PSMD5: variants seen among roughly 807,000 people sequenced by gnomAD.
PSMD5 encodes proteasome 26S subunit, non-ATPase 5, also known as 26S proteasome non-ATPase regulatory subunit 5.
A neutral mutation model predicts 52.1 loss-of-function variants in PSMD5; 40 were observed. That is an observed-to-expected ratio of 0.77 (90% CI 0.60 to 1.00). PSMD5 has a LOEUF of 1.00. Ranked by LOEUF, PSMD5 falls within the 50% of genes least tolerant of loss-of-function variation. PSMD5 has a pLI of 0.00. For synonymous variants in PSMD5, 211 were observed against 226.6 expected, an observed-to-expected ratio of 0.93 and a Z score of 0.62; for missense variants, 575 against 605.2, an observed-to-expected ratio of 0.95 and a Z score of 0.52.
Position 120,816,879 on chromosome 9 carries a change from A to C in PSMD5, c.*1027T>G, listed in dbSNP as rs1281569841. 1 of 152,220 alleles carries C rather than the reference A, an allele frequency of 6.6e-6. No individual in the cohort carries two copies. Among genetic ancestry groups the C allele is most frequent in the African/African-American group, 2.4e-5 (1 of 41,448 alleles). 9.4% of individuals were successfully genotyped at this position (152,220 alleles called of 1,614,324 possible). A position where few individuals can be genotyped will look rare whatever the true frequency, so the allele number is the denominator to read the frequency against. On this transcript the variant is annotated 3_prime_UTR_variant, in exon 10 of 10. Coordinates refer to ENST00000210313, the MANE Select transcript of PSMD5 (RefSeq NM_005047.4). ...AGTTTCCCTTTCTCTGATCAACTCA[A>C]GATTGACTTTATAGGTATGAAAAAT...
intron 7 of PSMD5, among the ~76,000 whole-genome samples, chr9:120,821,701 C>G (rs113979197): frequency 2.7e-4 from 41 of 152,320 alleles, no homozygotes; most frequent in African/African-American, 9.4e-4. Flanking sequence ...AACCACTATT[C>G]TACCTCCTGT....
Position 120,820,990 on chromosome 9 carries a change from G to T in PSMD5, c.1117-11C>A. On this transcript the variant is annotated splice_polypyrimidine_tract_variant and intron_variant, in intron 8 of 9. Coordinates refer to ENST00000210313, the MANE Select transcript of PSMD5 (RefSeq NM_005047.4). ...AGTCTGCTGCTCAGGCTACAGGAAA[G>T]AAAAGGAAAATCTCATCAAAAGTTA... 1 of 1,570,868 alleles carries T rather than the reference G, an allele frequency of 6.4e-7. No homozygotes were observed. The highest frequency in any genetic ancestry group is 1.4e-5 in the African/African-American group (1 of 72,616).
rs1328336306 is a variant in PSMD5 at position 120,842,760 on chromosome 9, G to C, written c.150C>G (p.Phe50Leu). 6.2e-7 allele frequency: 1 copy of C among 1,613,320 alleles called. No individual in the cohort carries two copies. The highest frequency in any genetic ancestry group is 1.1e-5 in the South Asian group (1 of 91,074). Residue 50 changes from phenylalanine (F) to leucine (L), a missense_variant, in exon 1 of 10, where the codon TTC becomes TTG. Coordinates refer to ENST00000210313, the MANE Select transcript of PSMD5 (RefSeq NM_005047.4). Reference sequence around the variant, plus strand: ...ACCTATGGTTCTCGTTAAGCAGGGAGAAGAGCGGGCCGAGGCGCAGCTCCG... The same window carrying C: ...ACCTATGGTTCTCGTTAAGCAGGGACAAGAGCGGGCCGAGGCGCAGCTCCG... Reference protein sequence around the residue: ...QAAELRLGPLFSLLNENHREK... With the variant: ...QAAELRLGPLLSLLNENHREK...
At chr9:120,820,782 G>C in intron 9 of PSMD5, 57 bp downstream of exon 9, 2 of 1,492,222 alleles carry the variant, frequency 1.3e-6, no homozygotes, top group Non-Finnish European at 1.8e-6. Context: ...TCACTGTTAA[G>C]TACTCAAGTG....
intron 7 of PSMD5, 142 bp downstream of exon 7, chr9:120,824,352 C>T: frequency 1.4e-6 from 1 of 700,730 alleles, no homozygotes; most frequent in Non-Finnish European, 2.5e-6. Flanking sequence ...GATTTTCAGA[C>T]ATGAGTACAA....
At chr9:120,824,423 G>T (rs778232658) in intron 7 of PSMD5, 71 bp downstream of exon 7, 7 of 1,477,256 alleles carry the variant, frequency 4.7e-6, no homozygotes, top group Non-Finnish European at 6.6e-6. Flanking sequence ...TAACCCACCA[G>T]CAAATGAACT....
At chr9:120,825,259 G>A (rs1429019861) in intron 6 of PSMD5, among the ~76,000 whole-genome samples, 1 of 152,032 alleles carries the variant, frequency 6.6e-6, no homozygotes, top group Non-Finnish European at 1.5e-5. Flanking sequence ...GTTCTAAATA[G>A]CACTGATGTT....
chr9:120,833,257 G>T, intron 2 of PSMD5, 55 bp downstream of exon 2: 1 of 1,563,970 alleles, frequency 6.4e-7, no homozygotes, highest in Non-Finnish European at 8.8e-7. Flanking sequence ...CTGTCCCAGT[G>T]CAGAACCTGG....
chr9:120,831,840 C>G lies in PSMD5; in HGVS notation c.424G>C (p.Ala142Pro), dbSNP rs371723846. The stretch of plus-strand genomic sequence containing the variant: ...GATTCTAGTAGACTCACCGCTTTTG[C>G]TACAGATAGATTCTCTCCACCAATG... ...YCIGGENLSV[A>P]KAAIKSLSRI... is the part of the protein sequence containing the mutation. The change falls in exon 3 of 10, where the codon GCA becomes CCA. Residue 142 changes from alanine (A) to proline (P), a missense_variant. By Grantham distance (27) the Ala-to-Pro change is conservative (BLOSUM62 -1). Coordinates refer to ENST00000210313, the MANE Select transcript of PSMD5 (RefSeq NM_005047.4). 1.2e-6 allele frequency: 2 copies of G among 1,612,240 alleles called. No individual in the cohort carries two copies. Among genetic ancestry groups the G allele is most frequent in the Non-Finnish European group, 1.7e-6 (2 of 1,179,528 alleles).
chr9:120,826,886 C>A lies in PSMD5; in HGVS notation c.693G>T (p.Val231=), dbSNP rs1194367596. The A allele has an allele frequency of 1.2e-6, 2 of 1,612,930 alleles. No homozygotes were observed. The highest frequency in any genetic ancestry group is 2.2e-5 in the South Asian group (2 of 90,908). ...VLVRATCIEM[V]TSLAYTHHGR... ...CATGATGAGTATATGCCAGTGATGT[C>A]ACCATTTCTATACAGGTGGCTCTAA... The change falls in exon 6 of 10, where the codon GTG becomes GTT. Residue 231 remains valine, a synonymous_variant. Coordinates refer to ENST00000210313, the MANE Select transcript of PSMD5 (RefSeq NM_005047.4).
At chr9:120,820,104 A>G (rs1291931352) in intron 9 of PSMD5, among the ~76,000 whole-genome samples, 2 of 152,234 alleles carry the variant, frequency 1.3e-5, no homozygotes, top group Non-Finnish European at 2.9e-5. Flanking sequence ...AAGTCGATAA[A>G]TAAACATTTG....
intron 1 of PSMD5, among the ~76,000 whole-genome samples, chr9:120,834,369 C>T (rs1208556056): frequency 6.6e-6 from 1 of 151,772 alleles, no homozygotes; most frequent in Non-Finnish European, 1.5e-5. Context: ...ACGCTATGGG[C>T]TAAGACTAGA....
In PSMD5 at chr9:120,816,133, G is replaced by A. The variant is rs2045040254; in HGVS notation, c.*1773C>T. ...ATCAGAATGTGTAGACCATACATAG[G>A]AGAGAGGGCATCCCCCCAAAATCTG... On this transcript the variant is annotated 3_prime_UTR_variant, in exon 10 of 10. Coordinates refer to ENST00000210313, the MANE Select transcript of PSMD5 (RefSeq NM_005047.4). 6.5e-6 allele frequency: 1 copy of A among 152,944 alleles called. No individual in the cohort carries two copies. The highest frequency in any genetic ancestry group is 2.4e-5 in the African/African-American group (1 of 41,456). 9.5% of individuals were successfully genotyped at this position (152,944 alleles called of 1,614,324 possible). A position where few individuals can be genotyped will look rare whatever the true frequency, so the allele number is the denominator to read the frequency against.
At chr9:120,833,650 A>G (rs896994361) in intron 1 of PSMD5, among the ~76,000 whole-genome samples, 194 bp from the exon 2 acceptor site, 4 of 151,774 alleles carry the variant, frequency 2.6e-5, no homozygotes, top group Admixed American at 6.6e-5. Flanking sequence ...ACAGAGAAGA[A>G]TAAGATATGC....
intron 1 of PSMD5, 129 bp downstream of exon 1, chr9:120,842,608 C>T (rs1205011864): frequency 1.7e-6 from 2 of 1,143,364 alleles, no homozygotes; most frequent in Non-Finnish European, 1.2e-6. Context: ...ATCCTTCCTT[C>T]TCTGCAAATT....
At chr9:120,833,550 CCA>C (rs1323805572) in intron 1 of PSMD5, 94 bp from the exon 2 acceptor site, 3 of 1,298,190 alleles carry the variant, frequency 2.3e-6, no homozygotes, top group African/African-American at 3.0e-5. Context: ...AGCGTCTCCT[CCA>C]CACAGACTTC....
chr9:120,818,718 T>C (rs936258696), intron 9 of PSMD5, among the ~76,000 whole-genome samples: 1 of 150,070 alleles, frequency 6.7e-6, no homozygotes, highest in Non-Finnish European at 1.5e-5. Flanking sequence ...CTGCCTCTTT[T>C]AACATAGACA....
rs1468307271 is a variant in PSMD5 at position 120,816,388 on chromosome 9, C to T, written c.*1518G>A. On this transcript the variant is annotated 3_prime_UTR_variant, in exon 10 of 10. Coordinates refer to ENST00000210313, the MANE Select transcript of PSMD5 (RefSeq NM_005047.4). ...AAATTTTATTGTATATATTGCACCACATTGAAAAAAAATCAACATCATGAA... is the reference window on the plus strand; with the variant it reads ...AAATTTTATTGTATATATTGCACCATATTGAAAAAAAATCAACATCATGAA... The T allele has an allele frequency of 6.6e-6, 1 of 151,802 alleles. No homozygotes were observed. Among genetic ancestry groups the T allele is most frequent in the Non-Finnish European group, 1.5e-5 (1 of 67,950 alleles). The allele number at this position is 151,802 out of a possible 1,614,324, so 9.4% of individuals were successfully genotyped here. A position where few individuals can be genotyped will look rare whatever the true frequency, so the allele number is the denominator to read the frequency against.
chr9:120,820,748 C>A (rs2045077694), intron 9 of PSMD5, 91 bp downstream of exon 9: 3 of 1,320,332 alleles, frequency 2.3e-6, no homozygotes, highest in South Asian at 1.9e-5. Context: ...CTTGTGCATC[C>A]CCAGAGATGG....
Sources: allele counts gnomAD v4.1 joint callset (sites outside exome capture counted in the v4.1 genomes callset), GRCh38; gene constraint gnomAD v4.1.1; transcripts MANE v1.5; gene names NCBI Gene and HGNC (gene_info 2026-07-23, HGNC 2026-07-21).